Variants in DLGAP1 observed in about 807,000 individuals in gnomAD.
DLGAP1 encodes disks large-associated protein 1.
A neutral mutation model predicts 90.8 loss-of-function variants in DLGAP1; 11 were observed. The ratio of observed to expected loss-of-function variants is 0.12; its 90% CI spans 0.08 to 0.20. The LOEUF (loss-of-function observed/expected upper bound fraction) is 0.20. DLGAP1 is among the 10% of genes least tolerant of loss of function. The probability of loss-of-function intolerance (pLI) is 1.00; values close to 1 mark genes in which losing one functional copy is unlikely to be tolerated. For synonymous variants in DLGAP1, 558 were observed against 540.7 expected (o/e 1.03, Z -0.44); for missense variants, 1,050 against 1,333.8 (o/e 0.79, Z 3.31).
At chr18:4,288,496 C>G (rs2079761859) in intron 1 of DLGAP1, among the ~76,000 whole-genome samples, 1 of 152,144 alleles carries the variant, frequency 6.6e-6, no homozygotes, top group Non-Finnish European at 1.5e-5. Flanking sequence ...TGATTGTTAT[C>G]TGAAGGGCAG....
At chr18:4,291,030 T>A (rs2079836902) in intron 1 of DLGAP1, among the ~76,000 whole-genome samples, 1 of 152,190 alleles carries the variant, frequency 6.6e-6, no homozygotes, top group African/African-American at 2.4e-5. Flanking sequence ...AGGGGAGGAA[T>A]AGGAAGACCT....
At chr18:3,523,400 A>C (rs1346375890) in intron 10 of DLGAP1, among the ~76,000 whole-genome samples, 1 of 151,968 alleles carries the variant, frequency 6.6e-6, no homozygotes, top group Non-Finnish European at 1.5e-5. Flanking sequence ...AATTAAAAAA[A>C]ATAAAAATAA....
chr18:4,207,320 T>A (rs980361265), intron 1 of DLGAP1, among the ~76,000 whole-genome samples: 1 of 151,998 alleles, frequency 6.6e-6, no homozygotes, highest in Non-Finnish European at 1.5e-5. Context: ...ATAAAACCAT[T>A]AGCTCTTGTG....
intron 1 of DLGAP1, among the ~76,000 whole-genome samples, chr18:4,398,761 A>C (rs897288851): frequency 6.6e-6 from 1 of 152,194 alleles, no homozygotes; most frequent in African/African-American, 2.4e-5. Context: ...ATTAAATCAC[A>C]AACCTGGAAG....
At chr18:3,772,376 CTT>C (rs1455906654) in intron 5 of DLGAP1, among the ~76,000 whole-genome samples, 8 of 20,818 alleles carry the variant, frequency 3.8e-4, no homozygotes, top group South Asian at 1.9e-3. Context: ...TTCTTTCTTT[CTT>C]TCTTTCTTTC....
At chr18:3,502,788 A>G in intron 11 of DLGAP1, 143 bp from the exon 12 acceptor site, 1 of 863,728 alleles carries the variant, frequency 1.2e-6, no homozygotes, top group Middle Eastern at 3.5e-4. Context: ...AAGTGAGGTT[A>G]CAAATGTTAA....
In DLGAP1 at chr18:4,049,347, A is replaced by G. The variant is rs536123160; in HGVS notation, c.-158-44146T>C. Reference sequence around the variant, plus strand: ...ATTCATGGGAGCTGCCCTCCTGCCAACTTAGCCCTGCCCCAGTAGCTGAGC... The same window carrying G: ...ATTCATGGGAGCTGCCCTCCTGCCAGCTTAGCCCTGCCCCAGTAGCTGAGC... On this transcript the variant is annotated intron_variant, in intron 2 of 12. Coordinates refer to ENST00000315677, the MANE Select transcript of DLGAP1 (RefSeq NM_004746.4). Among the ~76,000 whole-genome samples the G allele has an allele frequency of 6.6e-4, 101 of 152,122 alleles. 1 individual carries two copies. The highest frequency in any genetic ancestry group is 2.3e-3 in the African/African-American group (96 of 41,500).
intron 1 of DLGAP1, among the ~76,000 whole-genome samples, chr18:4,357,090 CGTGTGTGTGT>C (rs5822808): frequency 3.5e-5 from 5 of 144,036 alleles, no homozygotes; most frequent in Non-Finnish European, 7.5e-5. Flanking sequence ...TATACGTGTG[CGTGTGTGTGT>C]GTGTGTGTGT....
At chr18:4,133,413 T>A (rs1050237233) in intron 2 of DLGAP1, among the ~76,000 whole-genome samples, 2 of 152,194 alleles carry the variant, frequency 1.3e-5, no homozygotes, top group South Asian at 4.1e-4. Context: ...GTTTCTCCAG[T>A]CCCTGCTTAA....
intron 7 of DLGAP1, among the ~76,000 whole-genome samples, chr18:3,590,552 T>C (rs549825747): frequency 6.6e-6 from 1 of 152,154 alleles, no homozygotes; most frequent in South Asian, 2.1e-4. Context: ...GGGTGACACA[T>C]GCTATGAAAA....
intron 2 of DLGAP1, among the ~76,000 whole-genome samples, chr18:4,106,601 T>C (rs2075872716): frequency 6.6e-6 from 1 of 152,208 alleles, no homozygotes; most frequent in Admixed American, 6.5e-5. Context: ...TAGTACTTCC[T>C]TCAGCCGGCA....
chr18:4,373,491 C>A (rs2081957768), intron 1 of DLGAP1, among the ~76,000 whole-genome samples: 1 of 152,070 alleles, frequency 6.6e-6, no homozygotes, highest in Non-Finnish European at 1.5e-5. Context: ...CATCTCAGGC[C>A]ACCACTGTTT....
At chr18:3,682,116 C>CA (rs56914443) in intron 7 of DLGAP1, among the ~76,000 whole-genome samples, 21,665 of 111,734 alleles carry the variant, frequency 0.19, 1,751 homozygotes, top group Non-Finnish European at 0.2. Flanking sequence ...GACCCTGTCT[C>CA]AAAAAAAAAA....
At chr18:4,240,602 A>C (rs1420925742) in intron 1 of DLGAP1, among the ~76,000 whole-genome samples, 6 of 152,200 alleles carry the variant, frequency 3.9e-5, no homozygotes, top group Non-Finnish European at 5.9e-5. Context: ...TTTCCTATAC[A>C]TAGATAACTA....
intron 3 of DLGAP1, among the ~76,000 whole-genome samples, chr18:3,980,287 C>T (rs1404840644): frequency 6.6e-6 from 1 of 152,120 alleles, no homozygotes; most frequent in Non-Finnish European, 1.5e-5. Flanking sequence ...CCTACGGCCT[C>T]AAGTGAGTCT....
intron 1 of DLGAP1, among the ~76,000 whole-genome samples, chr18:4,152,574 A>G (rs1426434429): frequency 6.6e-6 from 1 of 152,216 alleles, no homozygotes; most frequent in East Asian, 1.9e-4. Context: ...GGCTAGTACA[A>G]TTCTCTGCAG....
chr18:3,870,605 C>CATTTATCT (rs754760770), intron 4 of DLGAP1, among the ~76,000 whole-genome samples: 4 of 148,114 alleles, frequency 2.7e-5, no homozygotes, highest in African/African-American at 1.0e-4. Context: ...TACATAAATA[C>CATTTATCT]ATCTATCTAT....
intron 8 of DLGAP1, among the ~76,000 whole-genome samples, chr18:3,576,785 C>T (rs1438186941): frequency 1.2e-4 from 18 of 150,306 alleles, no homozygotes; most frequent in African/African-American, 3.4e-4. Context: ...AGGCTGATCT[C>T]GAACTCCCAA....
chr18:4,053,655 A>G (rs1253722328), intron 2 of DLGAP1, among the ~76,000 whole-genome samples: 4 of 152,244 alleles, frequency 2.6e-5, no homozygotes, highest in South Asian at 2.1e-4. Flanking sequence ...ACCTTTCACC[A>G]TGATTGAAAA....
Sources: gnomAD v4.1 joint callset for allele counts (sites outside exome capture counted in the v4.1 genomes callset) on GRCh38, gnomAD v4.1.1 for gene constraint, MANE v1.5 for transcripts, NCBI Gene and HGNC (gene_info 2026-07-23, HGNC 2026-07-21) for gene names.